PTPRJ: variants seen among roughly 807,000 people sequenced by gnomAD.
PTPRJ encodes receptor-type tyrosine-protein phosphatase eta.
In PTPRJ, 129 loss-of-function variants were observed where a neutral mutation model predicts 141.3. The ratio of observed to expected loss-of-function variants is 0.91; its 90% CI spans 0.79 to 1.06. PTPRJ has a LOEUF of 1.06. Ranked by LOEUF, PTPRJ falls within the 50% of genes least tolerant of loss-of-function variation. The pLI, the probability that PTPRJ is intolerant of heterozygous loss-of-function variation, is 0.00. For synonymous variants in PTPRJ, 610 were observed against 640.5 expected, an observed-to-expected ratio of 0.95 and a Z score of 0.72; for missense variants, 1,601 against 1,679.7, an observed-to-expected ratio of 0.95 and a Z score of 0.82.
rs1232091956 is a variant in PTPRJ at position 47,980,816 on chromosome 11, AAGGAGACGGC to A, written c.-91_-82del. The A allele has an allele frequency of 9.5e-7, 1 of 1,048,394 alleles. No homozygotes were observed. Among genetic ancestry groups the A allele is most frequent in the Non-Finnish European group, 1.1e-6 (1 of 873,308 alleles). 64.9% of individuals were successfully genotyped at this position (1,048,394 alleles called of 1,614,324 possible). Reference sequence around the variant, plus strand: ...GGACCGGCTGGCGGAGGAGGAGGCGAAGGAGACGGCAGGAGGCGGCGACGACGGTGCCCGG... The same window carrying A: ...GGACCGGCTGGCGGAGGAGGAGGCGAAGGAGGCGGCGACGACGGTGCCCGG... On this transcript the variant is annotated 5_prime_UTR_variant, in exon 1 of 25. Coordinates refer to ENST00000418331, the MANE Select transcript of PTPRJ (RefSeq NM_002843.4).
rs1035690256 is a variant in PTPRJ, at chr11:48,168,860, C to G, written c.*1498C>G. On this transcript the variant is annotated 3_prime_UTR_variant, in exon 25 of 25. Coordinates refer to ENST00000418331, the MANE Select transcript of PTPRJ (RefSeq NM_002843.4). Reference sequence around the variant, plus strand: ...TTTCTTTTTATTTTATATTGTGGCTCAGGTTATATTTTGAAGATGTTTTGA... The same window carrying G: ...TTTCTTTTTATTTTATATTGTGGCTGAGGTTATATTTTGAAGATGTTTTGA... The G allele has an allele frequency of 6.6e-6, 1 of 151,168 alleles. No homozygotes were observed. Among genetic ancestry groups the G allele is most frequent in the African/African-American group, 2.4e-5 (1 of 41,058 alleles). 9.4% of individuals were successfully genotyped at this position (151,168 alleles called of 1,614,324 possible).
chr11:48,140,455 G>A (rs1857204510), intron 11 of PTPRJ, among the ~76,000 whole-genome samples: 1 of 152,230 alleles, frequency 6.6e-6, no homozygotes, highest in Non-Finnish European at 1.5e-5. Flanking sequence ...AGGATTTCCA[G>A]GTCTGGTGGT....
intron 14 of PTPRJ, among the ~76,000 whole-genome samples, chr11:48,146,273 C>T (rs1272218184): frequency 6.6e-6 from 1 of 152,216 alleles, no homozygotes; most frequent in South Asian, 2.1e-4. Flanking sequence ...TCACATAGAC[C>T]TAGGTGATAC....
At chr11:48,153,401 G>T (rs1857528543) in intron 18 of PTPRJ, among the ~76,000 whole-genome samples, 1 of 151,430 alleles carries the variant, frequency 6.6e-6, no homozygotes, top group South Asian at 2.1e-4. Context: ...AGGCGTGGTG[G>T]TGGGCGTCTG....
intron 1 of PTPRJ, among the ~76,000 whole-genome samples, chr11:48,004,538 C>T (rs75111544): frequency 0.018 from 2,666 of 152,190 alleles, 94 homozygotes; most frequent in African/African-American, 0.061. Flanking sequence ...GATAGATGGG[C>T]TGGTCAGAGT....
rs1199823555 is a variant in PTPRJ at position 48,053,317 on chromosome 11, A to G, written c.97-56741A>G. On this transcript the variant is annotated intron_variant, in intron 1 of 24. Coordinates refer to ENST00000418331, the MANE Select transcript of PTPRJ (RefSeq NM_002843.4). ...TATATAAAATATATAAATATATAAT[A>G]TATATTATATATTAATATATTATAT... Among the ~76,000 whole-genome samples the G allele has an allele frequency of 3.3e-5, 3 of 91,168 alleles. No individual in the cohort carries two copies. The East Asian group carries it at 7.4e-4, about 22-fold the overall frequency. 59.8% of individuals were successfully genotyped at this position (91,168 alleles called of 152,430 possible). A position where few individuals can be genotyped will look rare whatever the true frequency, so the allele number is the denominator to read the frequency against.
chr11:48,143,784 C>CCCTCCTCCCCCTCCCCTCT (rs1857287093), intron 12 of PTPRJ, among the ~76,000 whole-genome samples: 1 of 123,240 alleles, frequency 8.1e-6, no homozygotes, highest in Non-Finnish European at 1.7e-5. Flanking sequence ...CCTCCCCCTC[C>CCCTCCTCCCCCTCCCCTCT]CCTCCTCCCC....
chr11:48,020,232 G>A (rs1261069087), intron 1 of PTPRJ, among the ~76,000 whole-genome samples: 1 of 152,174 alleles, frequency 6.6e-6, no homozygotes, highest in Non-Finnish European at 1.5e-5. Flanking sequence ...TTGTGGGTAC[G>A]TCTCCACCTT....
At chr11:48,089,858 C>G (rs763039566) in intron 1 of PTPRJ, among the ~76,000 whole-genome samples, 1 of 152,280 alleles carries the variant, frequency 6.6e-6, no homozygotes, top group Non-Finnish European at 1.5e-5. Context: ...CTATATCTGG[C>G]TGCTAGAGCC....
chr11:48,106,231 T>G (rs942022141), intron 1 of PTPRJ, among the ~76,000 whole-genome samples: 1 of 152,188 alleles, frequency 6.6e-6, no homozygotes, highest in Non-Finnish European at 1.5e-5. Flanking sequence ...TGAGGGGTTA[T>G]AGGTCGAGTC....
chr11:48,160,049 T>C lies in PTPRJ; in HGVS notation c.3558T>C (p.Asn1186=). The change falls in exon 22 of 25, where the codon AAT becomes AAC. Residue 1186 remains asparagine, a splice_region_variant and synonymous_variant. Coordinates refer to ENST00000418331, the MANE Select transcript of PTPRJ (RefSeq NM_002843.4). ...CCATCAGAGATTTCACAGTGAAAAA[T>C]GTAAGTAAGAAGTCAGGATCAGTTG... ...EWTIRDFTVK[N]IQTSESHPLR... The C allele has an allele frequency of 6.2e-7, 1 of 1,613,816 alleles. No homozygotes were observed. Among genetic ancestry groups the C allele is most frequent in the Non-Finnish European group, 8.5e-7 (1 of 1,179,796 alleles).
intron 1 of PTPRJ, among the ~76,000 whole-genome samples, chr11:48,053,405 A>AAT (rs1284277646): frequency 2.8e-5 from 3 of 108,998 alleles, no homozygotes; most frequent in South Asian, 2.3e-4. Context: ...TATGATATAT[A>AAT]ATATATATAA....
At chr11:47,997,948 A>G (rs760053990) in intron 1 of PTPRJ, among the ~76,000 whole-genome samples, 5 of 152,168 alleles carry the variant, frequency 3.3e-5, no homozygotes, top group Non-Finnish European at 5.9e-5. Flanking sequence ...AAGAGGCAGA[A>G]GAAGAAACTG....
intron 1 of PTPRJ, among the ~76,000 whole-genome samples, chr11:48,040,983 C>T (rs916624916): frequency 6.6e-6 from 1 of 152,068 alleles, no homozygotes; most frequent in African/African-American, 2.4e-5. Context: ...CTTTTATGGA[C>T]CTTTTAGGCT....
In PTPRJ at chr11:48,136,110, C is replaced by A; in HGVS notation, c.1687C>A (p.Pro563Thr). ...GGAGATGTGGCTGGACTGGAAGAGC[C>A]CTGACGGTGCTTCCGAGTATGTCTA... ...TTEMWLDWKS[P>T]DGASEYVYHL... The change falls in exon 9 of 25, where the codon CCT (proline) becomes ACT (threonine). Residue 563 changes from proline (P) to threonine (T), a missense_variant. By Grantham distance (38) the Pro-to-Thr change is conservative (BLOSUM62 -1). Coordinates refer to ENST00000418331, the MANE Select transcript of PTPRJ (RefSeq NM_002843.4). 6 of 1,614,158 alleles carry A rather than the reference C, an allele frequency of 3.7e-6. No individual in the cohort carries two copies. The highest frequency in any genetic ancestry group is 5.1e-6 in the Non-Finnish European group (6 of 1,180,024).
intron 18 of PTPRJ, among the ~76,000 whole-genome samples, chr11:48,153,040 A>G (rs1857520643): frequency 6.6e-6 from 1 of 152,140 alleles, no homozygotes; most frequent in Non-Finnish European, 1.5e-5. Flanking sequence ...TTTGCTACCA[A>G]AACACCACGG....
intron 5 of PTPRJ, among the ~76,000 whole-genome samples, chr11:48,124,540 T>C (rs2279823): frequency 0.69 from 105,310 of 152,114 alleles, 37,399 homozygotes; most frequent in East Asian, 0.81. Flanking sequence ...CAGCTGCTCC[T>C]GTTTCACACC....
chr11:48,117,520 A>ATG (rs1856597676), intron 3 of PTPRJ, among the ~76,000 whole-genome samples: 1 of 117,342 alleles, frequency 8.5e-6, no homozygotes, highest in African/African-American at 3.2e-5. Context: ...CAGCCTGGGC[A>ATG]ACAGAGCAAG....
intron 1 of PTPRJ, among the ~76,000 whole-genome samples, chr11:48,079,482 G>A (rs1855502820): frequency 6.6e-6 from 1 of 152,088 alleles, no homozygotes; most frequent in South Asian, 2.1e-4. Flanking sequence ...GCAGACACTG[G>A]ATGGTAGCGA....
Sources: allele counts gnomAD v4.1 joint callset (sites outside exome capture counted in the v4.1 genomes callset), GRCh38; gene constraint gnomAD v4.1.1; transcripts MANE v1.5; gene names NCBI Gene and HGNC (gene_info 2026-07-23, HGNC 2026-07-21).